The following PTPRQ variants were observed in gnomAD, a reference collection of about 807,000 sequenced individuals.
PTPRQ encodes phosphatidylinositol phosphatase PTPRQ.
A neutral mutation model predicts 246.0 loss-of-function variants in PTPRQ; 199 were observed. The ratio of observed to expected loss-of-function variants is 0.81; its 90% CI spans 0.72 to 0.91. PTPRQ has a LOEUF of 0.91. PTPRQ is among the 40% of genes least tolerant of loss of function. The probability of loss-of-function intolerance (pLI) is 0.00; values close to 1 mark genes in which losing one functional copy is unlikely to be tolerated. For synonymous variants in PTPRQ, 869 were observed against 853.2 expected, an observed-to-expected ratio of 1.02 and a Z score of -0.32; for missense variants, 2,624 against 2,528.4, an observed-to-expected ratio of 1.04 and a Z score of -0.81.
chr12:80,601,685 A>C (rs1308905612), intron 26 of PTPRQ, among the ~76,000 whole-genome samples: 1 of 151,782 alleles, frequency 6.6e-6, no homozygotes, highest in Admixed American at 6.6e-5. Flanking sequence ...GCCTTAATAC[A>C]TTTATACAGA....
At chr12:80,592,547 T>C (rs923380532) in intron 26 of PTPRQ, among the ~76,000 whole-genome samples, 1 of 152,066 alleles carries the variant, frequency 6.6e-6, no homozygotes, top group African/African-American at 2.4e-5. Context: ...TTATAACAGT[T>C]AAGTAACGGA....
At chr12:80,676,637 G>T (rs1592786827) in intron 43 of PTPRQ, among the ~76,000 whole-genome samples, 1 of 152,182 alleles carries the variant, frequency 6.6e-6, no homozygotes, top group Middle Eastern at 3.4e-3. Context: ...GCGAGACTCT[G>T]TTGCAAACAA....
Position 80,644,460 on chromosome 12 carries a change from C to A in PTPRQ, c.5916-4437C>A, listed in dbSNP as rs576227761. ...ATCCTACCAGTCTAAAAATGCTTTC[C>A]ATTTAACAGTTTTTTTTTAAGTTTT... On this transcript the variant is annotated intron_variant, in intron 35 of 44. Transcript: ENST00000644991. Among the ~76,000 whole-genome samples the A allele has an allele frequency of 9.9e-5, 15 of 151,698 alleles. No homozygotes were observed. In the South Asian group the frequency reaches 2.9e-3, roughly 29 times the overall value.
chr12:80,610,446 A>G lies in PTPRQ; in HGVS notation c.4739A>G (p.Asn1580Ser), dbSNP rs1023896795. 1 of 1,479,660 alleles carries G rather than the reference A, an allele frequency of 6.8e-7. No individual in the cohort carries two copies. The highest frequency in any genetic ancestry group is 1.4e-5 in the African/African-American group (1 of 69,196). The allele number at this position is 1,479,660 out of a possible 1,614,324, so 91.7% of individuals were successfully genotyped here. The change falls in exon 28 of 45, where the codon AAT becomes AGT. Residue 1580 changes from asparagine to serine, a missense_variant. Physicochemically the swap from Asn to Ser is conservative, Grantham distance 46. Transcript: ENST00000644991. ...CYLIDVKSVDNDEFNISFIKS... is the reference protein window; with the variant it reads ...CYLIDVKSVDSDEFNISFIKS... The stretch of plus-strand genomic sequence containing the variant: ...ACTTATATTTTCCTATAGGTAGATA[A>G]TGATGAATTTAATATATCCTTCATC...
At chr12:80,503,771 T>A (rs977849569) in intron 14 of PTPRQ, among the ~76,000 whole-genome samples, 1 of 151,838 alleles carries the variant, frequency 6.6e-6, no homozygotes, top group Non-Finnish European at 1.5e-5. Context: ...CTACCTAAAG[T>A]ACATTGTCTA....
Position 80,549,656 on chromosome 12 carries a change from G to A in PTPRQ, c.4207G>A (p.Val1403Ile), listed in dbSNP as rs80047813. 3.7e-4 allele frequency: 569 copies of A among 1,551,128 alleles called. 2 individuals carry two copies. The African/African-American group carries it at 7.0e-3, about 19-fold the overall frequency. Residue 1403 changes from valine (V) to isoleucine (I), a missense_variant, in exon 25 of 45, where the codon GTC (valine) becomes ATC (isoleucine). Transcript: ENST00000644991. Reference protein sequence around the residue: ...FIKLLANTSYVFKVRASTSAG... With the variant: ...FIKLLANTSYIFKVRASTSAG... ...AAAGCTTCTTGCCAATACCTCATAT[G>A]TCTTTAAAGTAAGAGCTTCAACCTC...
intron 39 of PTPRQ, among the ~76,000 whole-genome samples, chr12:80,660,697 G>A (rs1900600526): frequency 6.6e-6 from 1 of 151,988 alleles, no homozygotes; most frequent in Admixed American, 6.6e-5. Context: ...TCATGCAAAT[G>A]GTTGCAGTAA....
intron 19 of PTPRQ, among the ~76,000 whole-genome samples, chr12:80,536,679 T>C (rs1592627407): frequency 6.6e-6 from 1 of 152,342 alleles, no homozygotes; most frequent in East Asian, 1.9e-4. Context: ...TTCTACTCTC[T>C]ATGTCACGCA....
chr12:80,601,258 C>T (rs1898133883), intron 26 of PTPRQ, among the ~76,000 whole-genome samples: 1 of 151,452 alleles, frequency 6.6e-6, no homozygotes, highest in Admixed American at 6.6e-5. Context: ...TGTCTCTCTC[C>T]ATTAAAATGG....
chr12:80,531,772 T>C, intron 17 of PTPRQ, among the ~76,000 whole-genome samples: 1 of 152,144 alleles, frequency 6.6e-6, no homozygotes, highest in East Asian at 1.9e-4. Context: ...GCCACAATCC[T>C]AAACTGCAAA....
intron 24 of PTPRQ, 180 bp downstream of exon 24, chr12:80,546,877 T>C (rs1236907099): frequency 1.6e-6 from 1 of 619,168 alleles, no homozygotes; most frequent in Non-Finnish European, 2.5e-6. Context: ...TGTGTGTTTA[T>C]ACATATATTT....
intron 19 of PTPRQ, among the ~76,000 whole-genome samples, chr12:80,536,725 G>A (rs1009672904): frequency 3.9e-5 from 6 of 152,198 alleles, no homozygotes; most frequent in African/African-American, 1.4e-4. Context: ...GTAGGGAAGA[G>A]AAATGGGGCC....
In PTPRQ at chr12:80,444,788, C is replaced by G; in HGVS notation, c.102C>G (p.Ile34Met). ...VVPGTRYDIT[I>M]SSISTTYTSP... ...CTGGTACTAGGTACGATATAACCAT[C>G]TCTTCAATTTCTACAACATACACCT... The change falls in exon 2 of 45, where the codon ATC becomes ATG. Residue 34 changes from isoleucine (I) to methionine (M), a missense_variant. By Grantham distance (10) the Ile-to-Met change is conservative. Transcript: ENST00000644991. 6.5e-7 allele frequency: 1 copy of G among 1,540,288 alleles called. No homozygotes were observed. The highest frequency in any genetic ancestry group is 8.8e-7 in the Non-Finnish European group (1 of 1,139,142).
intron 35 of PTPRQ, among the ~76,000 whole-genome samples, chr12:80,638,583 C>A (rs887769369): frequency 1.3e-5 from 2 of 152,128 alleles, no homozygotes; most frequent in Admixed American, 6.5e-5. Flanking sequence ...TTTATACTCT[C>A]TGCCTGTATA....
intron 39 of PTPRQ, among the ~76,000 whole-genome samples, chr12:80,665,918 G>A (rs1039328835): frequency 3.3e-5 from 5 of 151,942 alleles, no homozygotes; most frequent in African/African-American, 4.8e-5. Flanking sequence ...ATTTAGAATG[G>A]TTATTATCAA....
Position 80,465,726 on chromosome 12 carries a change from A to T in PTPRQ, c.911-2984A>T, listed in dbSNP as rs1254614758. 7.2e-5 allele frequency among the ~76,000 whole-genome samples: 11 copies of T among 152,222 alleles called. 1 individual carries two copies. In the East Asian group the frequency reaches 1.7e-3, roughly 24 times the overall value. On this transcript the variant is annotated intron_variant, in intron 6 of 44. Coordinates refer to ENST00000644991, the MANE Select transcript of PTPRQ (RefSeq NM_001145026.2). ...ATACACAAATCAATAAATGTAATCC[A>T]GCATATAAACAGAACCAAAGACAAA...
intron 14 of PTPRQ, among the ~76,000 whole-genome samples, chr12:80,499,800 G>C (rs2078982423): frequency 6.6e-6 from 1 of 151,846 alleles, no homozygotes; most frequent in Non-Finnish European, 1.5e-5. Context: ...GTGTGTGTTT[G>C]TGTGTGTTTT....
intron 10 of PTPRQ, among the ~76,000 whole-genome samples, chr12:80,494,080 T>C (rs937103781): frequency 1.3e-5 from 2 of 152,032 alleles, no homozygotes; most frequent in Non-Finnish European, 2.9e-5. Context: ...TTGGTACTTG[T>C]CCCATTCAAA....
chr12:80,480,531 A>T (rs1436314616), intron 8 of PTPRQ, among the ~76,000 whole-genome samples: 1 of 145,006 alleles, frequency 6.9e-6, no homozygotes, highest in Non-Finnish European at 1.5e-5. Flanking sequence ...ATCAGAGCAG[A>T]ACTGAAGGAA....
Sources: gnomAD v4.1 joint callset for allele counts (sites outside exome capture counted in the v4.1 genomes callset) on GRCh38, gnomAD v4.1.1 for gene constraint, MANE v1.5 for transcripts, NCBI Gene and HGNC (gene_info 2026-07-23, HGNC 2026-07-21) for gene names.